Variants in FBXO45 observed in about 807,000 individuals in gnomAD.
FBXO45 encodes F-box protein 45, also known as F-box/SPRY domain-containing protein 1.
Under a neutral mutation model 25.5 loss-of-function variants are expected in FBXO45, and 3 were observed. The observed-to-expected ratio is 0.12, with a 90% confidence interval of 0.05 to 0.30. The LOEUF is 0.30. Ranked by LOEUF, FBXO45 falls within the 10% of genes least tolerant of loss-of-function variation. FBXO45 has a pLI of 1.00. For missense variants in FBXO45, 219 were observed against 365.0 expected, an observed-to-expected ratio of 0.60 and a Z score of 3.26; for synonymous variants, 155 against 149.8, an observed-to-expected ratio of 1.03 and a Z score of -0.25.
intron 2 of FBXO45, among the ~76,000 whole-genome samples, chr3:196,582,170 G>T (rs1736021874): frequency 6.6e-6 from 1 of 152,176 alleles, no homozygotes; most frequent in African/African-American, 2.4e-5. Flanking sequence ...TGTGCGTGCT[G>T]TGTGCTCAAA....
In FBXO45 at chr3:196,569,430, G is replaced by C; in HGVS notation, c.318+128G>C. 1 of 863,036 alleles carries C rather than the reference G, an allele frequency of 1.2e-6. No individual in the cohort carries two copies. Among genetic ancestry groups the C allele is most frequent in the Non-Finnish European group, 1.7e-6 (1 of 585,632 alleles). 53.5% of individuals were successfully genotyped at this position (863,036 alleles called of 1,614,324 possible). ...GCCCGCCTTTCCACGGCTCCAGTCA[G>C]TATCTTCCTCACCTCCCCCCAAGAT... On this transcript the variant is annotated intron_variant, in intron 1 of 2. Coordinates refer to ENST00000311630, the MANE Select transcript of FBXO45 (RefSeq NM_001105573.2). This position sits in a 1 kb window ranked among gnomAD's most constrained non-coding sequence, Gnocchi z 4.1.
At position 196,568,679 on chromosome 3, in the gene FBXO45, A is replaced by G. The variant is rs1219847687; in HGVS notation, c.-306A>G. The G allele has an allele frequency of 6.6e-6, 1 of 152,284 alleles. No homozygotes were observed. The highest frequency in any genetic ancestry group is 1.9e-4 in the East Asian group (1 of 5,164). The allele number at this position is 152,284 out of a possible 1,614,324, so 9.4% of individuals were successfully genotyped here. The stretch of plus-strand genomic sequence containing the variant: ...GCGTGCGCCCTTGCTTCGTGCCCTC[A>G]ACCCGCATGGCGGAGCCGCTGGCGC... On this transcript the variant is annotated 5_prime_UTR_variant, in exon 1 of 3. Transcript: ENST00000311630.
chr3:196,578,077 G>A (rs6781434), intron 2 of FBXO45, among the ~76,000 whole-genome samples: 3,114 of 105,602 alleles, frequency 0.029, 105 homozygotes, highest in African/African-American at 0.096. Flanking sequence ...ATCTCACTCC[G>A]TTGCCCAGGC....
rs1255355452 is a variant in FBXO45, at chr3:196,577,671, C to T, written c.537C>T (p.Pro179=). The change falls in exon 2 of 3, where the codon CCC becomes CCT. Residue 179 remains proline, a synonymous_variant. Coordinates refer to ENST00000311630, the MANE Select transcript of FBXO45 (RefSeq NM_001105573.2). The stretch of plus-strand genomic sequence containing the variant: ...TTGGAATTGCCACAAAACGGGCCCC[C>T]ATGCAGTGCCAAGGTTATGTGGCAT... The part of the protein sequence containing the change: ...AVIGIATKRA[P]MQCQGYVALL... 6.2e-7 allele frequency: 1 copy of T among 1,613,826 alleles called. No individual in the cohort carries two copies. The highest frequency in any genetic ancestry group is 1.7e-5 in the Admixed American group (1 of 59,972).
At chr3:196,580,318 TCTC>T (rs1735987579) in intron 2 of FBXO45, among the ~76,000 whole-genome samples, 1 of 151,956 alleles carries the variant, frequency 6.6e-6, no homozygotes, top group Non-Finnish European at 1.5e-5. Flanking sequence ...TTCAAGCAGT[TCTC>T]CTACCTCAGC....
In FBXO45 at chr3:196,569,313, C is replaced by T. The variant is rs1037202940; in HGVS notation, c.318+11C>T. 2.0e-6 allele frequency: 3 copies of T among 1,521,944 alleles called. No individual in the cohort carries two copies. The highest frequency in any genetic ancestry group is 1.4e-5 in the African/African-American group (1 of 72,762). The allele number at this position is 1,521,944 out of a possible 1,614,324, so 94.3% of individuals were successfully genotyped here. A position where few individuals can be genotyped will look rare whatever the true frequency, so the allele number is the denominator to read the frequency against. On this transcript the variant is annotated intron_variant, in intron 1 of 2. Transcript: ENST00000311630. The surrounding 1 kb of genome is among the most constrained non-coding windows in gnomAD (Gnocchi z 4.1). ...AGCTACAAGGCCAAGGTGAGAGAGC[C>T]CCGGGCCACACCGCTGCCCCCAGTC...
At chr3:196,579,302 A>G (rs936084113) in intron 2 of FBXO45, among the ~76,000 whole-genome samples, 1 of 152,246 alleles carries the variant, frequency 6.6e-6, no homozygotes, top group Non-Finnish European at 1.5e-5. Context: ...AGGCATACTA[A>G]AGCAGAAGAA....
chr3:196,584,352 GGA>G lies in FBXO45; in HGVS notation c.*39_*40del, dbSNP rs769569316. On this transcript the variant is annotated 3_prime_UTR_variant, in exon 3 of 3. Transcript: ENST00000311630. The surrounding 1 kb of genome is among the most constrained non-coding windows in gnomAD (Gnocchi z 4.3). ...TTCTTGTGATGACAGACAGAATGGA[GGA>G]GAGATCTGCTTATGGGAAGTAGAAC... 23 of 1,559,920 alleles carry G rather than the reference GGA, an allele frequency of 1.5e-5. No homozygotes were observed. The East Asian group carries it at 5.2e-4, about 35-fold the overall frequency.
At chr3:196,574,659 C>T (rs1313924272) in intron 1 of FBXO45, among the ~76,000 whole-genome samples, 1 of 151,928 alleles carries the variant, frequency 6.6e-6, no homozygotes, top group Admixed American at 6.6e-5. Flanking sequence ...ATTTTTTTTG[C>T]AAGTTATTTT....
chr3:196,568,843 G>C lies in FBXO45; in HGVS notation c.-142G>C. ...CGGCGGACGCCCCCGGGCAGGGGCGGGAGTGGTGGAGGCGCCGGCGGTTGG... is the reference window on the plus strand; with the variant it reads ...CGGCGGACGCCCCCGGGCAGGGGCGCGAGTGGTGGAGGCGCCGGCGGTTGG... On this transcript the variant is annotated 5_prime_UTR_variant, in exon 1 of 3. Coordinates refer to ENST00000311630, the MANE Select transcript of FBXO45 (RefSeq NM_001105573.2). The C allele has an allele frequency of 1.9e-6, 1 of 514,036 alleles. No homozygotes were observed. Among genetic ancestry groups the C allele is most frequent in the African/African-American group, 2.1e-5 (1 of 48,482 alleles). The allele number at this position is 514,036 out of a possible 1,614,324, so 31.8% of individuals were successfully genotyped here.
At position 196,577,632 on chromosome 3, in the gene FBXO45, C is replaced by G. The variant is rs779649850; in HGVS notation, c.498C>G (p.Gly166=). ...AAGTGTGGTGGGAGGGCCCTCTGGG[C>G]ACTGTGGCAGTGATTGGAATTGCCA... ...AWEVWWEGPL[G]TVAVIGIATK... Residue 166 remains glycine (G), a synonymous_variant, in exon 2 of 3, where the codon GGC becomes GGG. Transcript: ENST00000311630. 8 of 1,613,602 alleles carry G rather than the reference C, an allele frequency of 5.0e-6. No individual in the cohort carries two copies. The African/African-American group carries it at 1.1e-4, about 22-fold the overall frequency.
chr3:196,574,532 G>GA (rs1175580418), intron 1 of FBXO45, among the ~76,000 whole-genome samples: 14 of 152,124 alleles, frequency 9.2e-5, no homozygotes, highest in Admixed American at 9.2e-4. Context: ...ATTTGTTGAG[G>GA]AAACAAGGTG....
At chr3:196,572,909 G>A (rs1464249975) in intron 1 of FBXO45, among the ~76,000 whole-genome samples, 2 of 152,076 alleles carry the variant, frequency 1.3e-5, no homozygotes. Flanking sequence ...CTCACATAAT[G>A]TAGAGATCAG....
At position 196,569,228 on chromosome 3, in the gene FBXO45, C is replaced by T. The variant is rs1477395598; in HGVS notation, c.244C>T (p.Leu82=). The part of the protein sequence containing the change: ...GDENSEVWRS[L]CARSLAEEAL... ...TGAGAACAGCGAGGTGTGGCGGAGCCTGTGCGCCCGCAGCCTGGCAGAAGA... is the reference window on the plus strand; with the variant it reads ...TGAGAACAGCGAGGTGTGGCGGAGCTTGTGCGCCCGCAGCCTGGCAGAAGA... Residue 82 remains leucine (L), a synonymous_variant, in exon 1 of 3, where the codon CTG becomes TTG. Transcript: ENST00000311630. The surrounding 1 kb of genome is among the most constrained non-coding windows in gnomAD (Gnocchi z 4.1). The T allele has an allele frequency of 5.1e-6, 8 of 1,581,010 alleles. No individual in the cohort carries two copies. The highest frequency in any genetic ancestry group is 5.2e-6 in the Non-Finnish European group (6 of 1,164,326).
At chr3:196,572,391 AT>A (rs1279397584) in intron 1 of FBXO45, among the ~76,000 whole-genome samples, 2 of 152,186 alleles carry the variant, frequency 1.3e-5, no homozygotes, top group Non-Finnish European at 2.9e-5. Context: ...TAGTGCTCTG[AT>A]TGTCAGTAGT....
chr3:196,579,578 A>G (rs1735974247), intron 2 of FBXO45, among the ~76,000 whole-genome samples: 1 of 152,188 alleles, frequency 6.6e-6, no homozygotes, highest in Non-Finnish European at 1.5e-5. Context: ...GTCTGTCTGG[A>G]TGAGTGTCCC....
chr3:196,582,678 A>G (rs1736033800), intron 2 of FBXO45, among the ~76,000 whole-genome samples: 2 of 151,206 alleles, frequency 1.3e-5, no homozygotes, highest in African/African-American at 4.9e-5. Context: ...TTCTGCTTCC[A>G]GTTTCGTTTA....
At position 196,586,025 on chromosome 3, in the gene FBXO45, T is replaced by TA. The variant is rs1471776595; in HGVS notation, c.*1710dup. On this transcript the variant is annotated 3_prime_UTR_variant, in exon 3 of 3. Coordinates refer to ENST00000311630, the MANE Select transcript of FBXO45 (RefSeq NM_001105573.2). ...CATTGCTTGAAAAGATGAAATCTGTTAAAGATTCTTTTCGATGTCCAGGTT... is the reference window on the plus strand; with the variant it reads ...CATTGCTTGAAAAGATGAAATCTGTTAAAAGATTCTTTTCGATGTCCAGGTT... 5 of 152,222 alleles carry TA rather than the reference T, an allele frequency of 3.3e-5. No homozygotes were observed. Among genetic ancestry groups the TA allele is most frequent in the Non-Finnish European group, 7.4e-5 (5 of 68,026 alleles). The allele number at this position is 152,222 out of a possible 1,614,324, so 9.4% of individuals were successfully genotyped here.
intron 2 of FBXO45, among the ~76,000 whole-genome samples, chr3:196,578,190 C>T (rs998049459): frequency 2.6e-5 from 4 of 151,870 alleles, no homozygotes; most frequent in Non-Finnish European, 5.9e-5. Context: ...GCGCCCACCA[C>T]CATGCCTGGC....
Sources: gnomAD v4.1 joint callset for allele counts (sites outside exome capture counted in the v4.1 genomes callset) on GRCh38, gnomAD v4.1.1 for gene constraint, Gnocchi (gnomAD v3.1) non-coding constraint, MANE v1.5 for transcripts, NCBI Gene and HGNC (gene_info 2026-07-23, HGNC 2026-07-21) for gene names.